The following MACROD2 variants were observed in gnomAD, a reference collection of about 807,000 sequenced individuals.
MACROD2 encodes mono-ADP ribosylhydrolase 2, also known as ADP-ribose glycohydrolase MACROD2.
MACROD2 carries 36 observed loss-of-function variants against 70.4 expected under a neutral mutation model. The ratio of observed to expected loss-of-function variants is 0.51; its 90% CI spans 0.39 to 0.68. The LOEUF is 0.68. Among genes scored for constraint, MACROD2 ranks in the 30% least tolerant of loss-of-function variants. The probability of loss-of-function intolerance (pLI) is 0.00; values close to 1 mark genes in which losing one functional copy is unlikely to be tolerated. For synonymous variants in MACROD2, 172 were observed against 178.8 expected (o/e 0.96, Z 0.30); for missense variants, 496 against 538.4 (o/e 0.92, Z 0.78).
intron 13 of MACROD2, among the ~76,000 whole-genome samples, chr20:15,977,951 C>T (rs930118893): frequency 6.6e-6 from 1 of 152,132 alleles, no homozygotes; most frequent in African/African-American, 2.4e-5. Context: ...CACTTACTTT[C>T]CAGAGGTAAT....
chr20:14,193,208 G>T (rs1601332905), intron 3 of MACROD2, among the ~76,000 whole-genome samples: 1 of 152,324 alleles, frequency 6.6e-6, no homozygotes, highest in South Asian at 2.1e-4. Context: ...TTTCTAGTGA[G>T]CTAGGATTAC....
intron 3 of MACROD2, among the ~76,000 whole-genome samples, chr20:14,316,878 G>A (rs1449987750): frequency 6.6e-6 from 1 of 152,072 alleles, no homozygotes; most frequent in Non-Finnish European, 1.5e-5. Flanking sequence ...AAATCTGACA[G>A]TCTGATCCCC....
At chr20:14,892,279 C>A (rs1224045807) in intron 5 of MACROD2, among the ~76,000 whole-genome samples, 1 of 152,072 alleles carries the variant, frequency 6.6e-6, no homozygotes, top group Non-Finnish European at 1.5e-5. Flanking sequence ...CGAGACCAGT[C>A]TGGCCAACAT....
At chr20:14,438,123 A>G (rs1283982486) in intron 3 of MACROD2, among the ~76,000 whole-genome samples, 2 of 152,050 alleles carry the variant, frequency 1.3e-5, no homozygotes, top group Admixed American at 6.6e-5. Flanking sequence ...TCAACCCTTT[A>G]TTCCTTTTTT....
chr20:15,222,753 A>G (rs2076872750), intron 5 of MACROD2, among the ~76,000 whole-genome samples: 2 of 152,338 alleles, frequency 1.3e-5, no homozygotes, highest in African/African-American at 4.8e-5. Context: ...TGCTTCTCAA[A>G]TGGAAAATGA....
intron 5 of MACROD2, among the ~76,000 whole-genome samples, chr20:14,920,018 T>C (rs2074142019): frequency 1.3e-5 from 2 of 152,192 alleles, no homozygotes; most frequent in Admixed American, 1.3e-4. Context: ...CTGGGATCGC[T>C]GCAGGCTGAC....
chr20:15,970,499 C>G (rs540770591), intron 13 of MACROD2, among the ~76,000 whole-genome samples: 4 of 152,036 alleles, frequency 2.6e-5, no homozygotes, highest in African/African-American at 9.7e-5. Flanking sequence ...GTCTCAGTGG[C>G]CCCTGAGAGT....
intron 5 of MACROD2, among the ~76,000 whole-genome samples, chr20:15,042,077 A>G (rs2075360716): frequency 6.6e-6 from 1 of 152,170 alleles, no homozygotes; most frequent in Non-Finnish European, 1.5e-5. Context: ...AAATAAACAC[A>G]TGATTCCTTA....
At chr20:14,324,731 G>A (rs2082707167) in intron 3 of MACROD2, 1 of 152,000 alleles carries the variant, frequency 6.6e-6, no homozygotes, top group South Asian at 2.1e-4. Flanking sequence ...TGCAGTTTTG[G>A]TATTTGTGTT....
At chr20:14,253,709 T>C (rs2082030340) in intron 3 of MACROD2, among the ~76,000 whole-genome samples, 1 of 152,176 alleles carries the variant, frequency 6.6e-6, no homozygotes, top group Non-Finnish European at 1.5e-5. Context: ...TCTGAACTTT[T>C]TCAAACCTCT....
intron 7 of MACROD2, among the ~76,000 whole-genome samples, chr20:15,468,848 G>C (rs2046929356): frequency 6.6e-6 from 1 of 152,012 alleles, no homozygotes; most frequent in African/African-American, 2.4e-5. Context: ...CCCCACCTTG[G>C]GAACATTTTT....
Position 15,055,555 on chromosome 20 carries a change from C to T in MACROD2, c.419-174385C>T, listed in dbSNP as rs958078328. Among the ~76,000 whole-genome samples, 7 of 152,094 alleles carry T rather than the reference C, an allele frequency of 4.6e-5. No individual in the cohort carries two copies. The East Asian group carries it at 1.2e-3, about 25-fold the overall frequency. Reference sequence around the variant, plus strand: ...TTGAAATGACAGTGAAGAATTATAGCGGAGAACAAATACATGACAGGAAGG... The same window carrying T: ...TTGAAATGACAGTGAAGAATTATAGTGGAGAACAAATACATGACAGGAAGG... On this transcript the variant is annotated intron_variant, in intron 5 of 17. Coordinates refer to ENST00000684519, the MANE Select transcript of MACROD2 (RefSeq NM_001351661.2).
intron 5 of MACROD2, among the ~76,000 whole-genome samples, chr20:14,949,482 G>A (rs2074458574): frequency 6.6e-6 from 1 of 152,160 alleles, no homozygotes; most frequent in South Asian, 2.1e-4. Context: ...CACAGTTTAA[G>A]TGGATTTGAT....
chr20:14,953,101 A>G (rs2074488328), intron 5 of MACROD2, among the ~76,000 whole-genome samples: 1 of 152,084 alleles, frequency 6.6e-6, no homozygotes, highest in African/African-American at 2.4e-5. Flanking sequence ...TAAATAATAG[A>G]CCAGAAAAAA....
Position 16,032,343 on chromosome 20 carries a change from G to A in MACROD2, c.1154-8858G>A, listed in dbSNP as rs192444700. Among the ~76,000 whole-genome samples the A allele has an allele frequency of 4.6e-5, 7 of 152,060 alleles. No homozygotes were observed. The East Asian group carries it at 7.8e-4, about 17-fold the overall frequency. On this transcript the variant is annotated intron_variant, in intron 15 of 17. Coordinates refer to ENST00000684519, the MANE Select transcript of MACROD2 (RefSeq NM_001351661.2). ...CAGGATCCGTACTCCAAACTTCAGC[G>A]TCATGCAATATTCCCAAGTAACAAA...
intron 5 of MACROD2, among the ~76,000 whole-genome samples, chr20:14,688,534 G>T (rs1250196971): frequency 6.6e-6 from 1 of 152,028 alleles, no homozygotes; most frequent in African/African-American, 2.4e-5. Flanking sequence ...AAATCTTAAG[G>T]GTAGAAAGAA....
intron 5 of MACROD2, among the ~76,000 whole-genome samples, chr20:14,913,269 T>C (rs1469755584): frequency 6.6e-6 from 1 of 152,186 alleles, no homozygotes; most frequent in East Asian, 1.9e-4. Context: ...GTGTTTGAAC[T>C]GAGAAATAGG....
intron 11 of MACROD2, among the ~76,000 whole-genome samples, chr20:15,934,157 A>G (rs893455250): frequency 3.3e-5 from 5 of 152,198 alleles, no homozygotes; most frequent in Non-Finnish European, 7.3e-5. Flanking sequence ...TCCCAACTCT[A>G]ATAAGCCCCA....
chr20:15,851,984 C>A (rs1016091161), intron 8 of MACROD2, among the ~76,000 whole-genome samples: 3 of 152,170 alleles, frequency 2.0e-5, no homozygotes, highest in Non-Finnish European at 4.4e-5. Context: ...ACTGGCATTT[C>A]CCCTCAGTCT....
Sources: allele counts gnomAD v4.1 joint callset (sites outside exome capture counted in the v4.1 genomes callset), GRCh38; gene constraint gnomAD v4.1.1; transcripts MANE v1.5; gene names NCBI Gene and HGNC (gene_info 2026-07-23, HGNC 2026-07-21).